The following CFAP61 variants were observed in gnomAD, a reference collection of about 807,000 sequenced individuals.
CFAP61 encodes cilia and flagella associated protein 61, also known as cilia- and flagella-associated protein 61.
In CFAP61, 107 loss-of-function variants were observed where a neutral mutation model predicts 135.6. That is an observed-to-expected ratio of 0.79 (90% CI 0.67 to 0.93). CFAP61 has a LOEUF of 0.93. Ranked by LOEUF, CFAP61 falls within the 40% of genes least tolerant of loss-of-function variation. The pLI is 0.00. For missense variants in CFAP61, 1,507 were observed against 1,556.2 expected, an observed-to-expected ratio of 0.97 and a Z score of 0.53; for synonymous variants, 575 against 578.5, an observed-to-expected ratio of 0.99 and a Z score of 0.09.
At chr20:20,344,242 G>T (rs2058554858) in intron 26 of CFAP61, among the ~76,000 whole-genome samples, 1 of 152,208 alleles carries the variant, frequency 6.6e-6, no homozygotes, top group South Asian at 2.1e-4. Flanking sequence ...AGCTGTGGGG[G>T]AGTAGCAGAG....
chr20:20,230,642 T>G (rs1232172394), intron 18 of CFAP61, among the ~76,000 whole-genome samples: 1 of 151,944 alleles, frequency 6.6e-6, no homozygotes, highest in Non-Finnish European at 1.5e-5. Context: ...AACCTCCGCC[T>G]CCCCCCAGGT....
At chr20:20,275,071 G>A (rs2053647797) in intron 21 of CFAP61, among the ~76,000 whole-genome samples, 1 of 152,116 alleles carries the variant, frequency 6.6e-6, no homozygotes, top group Non-Finnish European at 1.5e-5. Flanking sequence ...GATGTTAGTG[G>A]ATATGATGTG....
chr20:20,296,411 TTTC>T (rs1351149790), intron 24 of CFAP61, among the ~76,000 whole-genome samples: 11 of 99,860 alleles, frequency 1.1e-4, no homozygotes, highest in Admixed American at 8.9e-4. Flanking sequence ...TCCTTCTTTC[TTTC>T]TTTTCTTTCT....
intron 26 of CFAP61, among the ~76,000 whole-genome samples, chr20:20,352,317 A>C (rs920783085): frequency 6.6e-6 from 1 of 152,062 alleles, no homozygotes; most frequent in African/African-American, 2.4e-5. Context: ...AACACCCACT[A>C]TCATGAGAAC....
chr20:20,206,970 AT>A (rs1377904644), intron 17 of CFAP61, among the ~76,000 whole-genome samples: 1 of 152,246 alleles, frequency 6.6e-6, no homozygotes, highest in Non-Finnish European at 1.5e-5. Context: ...TTGAAGGGCA[AT>A]GTCTCAACTG....
At chr20:20,136,518 A>G (rs1443040216) in intron 8 of CFAP61, among the ~76,000 whole-genome samples, 4 of 26,528 alleles carry the variant, frequency 1.5e-4, no homozygotes, top group Non-Finnish European at 3.9e-4. Context: ...CAATTCTGCT[A>G]TTAAGAGACT....
chr20:20,250,641 A>T (rs1463506254), intron 19 of CFAP61, among the ~76,000 whole-genome samples: 1 of 152,212 alleles, frequency 6.6e-6, no homozygotes, highest in African/African-American at 2.4e-5. Context: ...ATGTTAAGAG[A>T]AAAAAGGAAG....
intron 26 of CFAP61, among the ~76,000 whole-genome samples, chr20:20,358,146 G>T (rs982690747): frequency 7.2e-5 from 10 of 139,082 alleles, no homozygotes; most frequent in African/African-American, 2.7e-4. Context: ...GAGAGGAGGT[G>T]GTCACACTGA....
chr20:20,303,864 T>G (rs2056260170), intron 25 of CFAP61, among the ~76,000 whole-genome samples: 1 of 152,182 alleles, frequency 6.6e-6, no homozygotes, highest in African/African-American at 2.4e-5. Flanking sequence ...GACTTCAGTA[T>G]CAGTTCCTCT....
intron 21 of CFAP61, among the ~76,000 whole-genome samples, chr20:20,268,900 A>G (rs1242837663): frequency 6.6e-6 from 1 of 152,110 alleles, no homozygotes; most frequent in Non-Finnish European, 1.5e-5. Flanking sequence ...AGCTAAATAC[A>G]GTTTACTGCC....
chr20:20,098,009 T>TG (rs1267441388), intron 7 of CFAP61, among the ~76,000 whole-genome samples: 2 of 151,888 alleles, frequency 1.3e-5, no homozygotes, highest in East Asian at 3.9e-4. Flanking sequence ...AGGCTTATGG[T>TG]GGGGTACAAA....
intron 17 of CFAP61, among the ~76,000 whole-genome samples, chr20:20,219,575 T>A (rs920626586): frequency 6.6e-6 from 1 of 152,188 alleles, no homozygotes; most frequent in African/African-American, 2.4e-5. Flanking sequence ...AAATTCTCTT[T>A]CCTTTAAGCA....
intron 25 of CFAP61, among the ~76,000 whole-genome samples, chr20:20,301,966 C>A (rs1421750744): frequency 6.6e-6 from 1 of 152,150 alleles, no homozygotes; most frequent in African/African-American, 2.4e-5. Flanking sequence ...TGCATTAAAT[C>A]TTAGATCAAT....
intron 17 of CFAP61, among the ~76,000 whole-genome samples, chr20:20,209,294 C>T (rs1206047980): frequency 1.3e-5 from 2 of 152,126 alleles, no homozygotes; most frequent in African/African-American, 4.8e-5. Flanking sequence ...ACCATATCTG[C>T]CCTTATTATT....
At chr20:20,074,153 G>A in intron 3 of CFAP61, 149 bp from the exon 4 acceptor site, 1 of 665,366 alleles carries the variant, frequency 1.5e-6, no homozygotes. Flanking sequence ...AATGCCGCCT[G>A]GGTGTTGCAT....
intron 8 of CFAP61, among the ~76,000 whole-genome samples, chr20:20,135,254 G>A (rs1310091187): frequency 6.6e-6 from 1 of 152,158 alleles, no homozygotes; most frequent in Non-Finnish European, 1.5e-5. Flanking sequence ...CTGACACCTT[G>A]ATTTCAGCCC....
rs556454378 is a variant in CFAP61, at chr20:20,318,356, G to A, written c.3422+19970G>A. On this transcript the variant is annotated intron_variant, in intron 25 of 26. Coordinates refer to ENST00000245957, the MANE Select transcript of CFAP61 (RefSeq NM_015585.4). ...TTTAAAAAAATCATTCATTTCAAGAGGTTATTGGATAAAGCATTTTTAAAA... is the reference window on the plus strand; with the variant it reads ...TTTAAAAAAATCATTCATTTCAAGAAGTTATTGGATAAAGCATTTTTAAAA... Among the ~76,000 whole-genome samples, 3 of 152,292 alleles carry A rather than the reference G, an allele frequency of 2.0e-5. No homozygotes were observed. In the East Asian group the frequency reaches 5.8e-4, roughly 29 times the overall value.
intron 13 of CFAP61, among the ~76,000 whole-genome samples, chr20:20,171,295 G>A (rs548699067): frequency 1.2e-4 from 19 of 152,300 alleles, no homozygotes; most frequent in African/African-American, 4.6e-4. Flanking sequence ...AGAGCACGTG[G>A]TCTAAGGAGA....
intron 18 of CFAP61, among the ~76,000 whole-genome samples, chr20:20,232,508 GT>G (rs946188265): frequency 6.6e-6 from 1 of 152,104 alleles, no homozygotes; most frequent in African/African-American, 2.4e-5. Flanking sequence ...TCACCTGTGA[GT>G]TCGTTAGAAA....
Sources: allele counts gnomAD v4.1 joint callset (sites outside exome capture counted in the v4.1 genomes callset), GRCh38; gene constraint gnomAD v4.1.1; transcripts MANE v1.5; gene names NCBI Gene and HGNC (gene_info 2026-07-23, HGNC 2026-07-21).